Variants in KITLG observed in about 807,000 individuals in gnomAD.
KITLG encodes c-Kit ligand.
A neutral mutation model predicts 34.1 loss-of-function variants in KITLG; 13 were observed. The ratio of observed to expected loss-of-function variants is 0.38; its 90% confidence interval spans 0.25 to 0.61. KITLG has a LOEUF of 0.61. Among genes scored for constraint, KITLG ranks in the 20% least tolerant of loss-of-function variants. The pLI is 0.60. For synonymous variants in KITLG, 110 were observed against 104.0 expected, an observed-to-expected ratio of 1.06 and a Z score of -0.35; for missense variants, 292 against 318.9, an observed-to-expected ratio of 0.92 and a Z score of 0.64.
At chr12:88,519,805 A>G (rs1020733309) in intron 3 of KITLG, among the ~76,000 whole-genome samples, 1 of 152,000 alleles carries the variant, frequency 6.6e-6, no homozygotes, top group African/African-American at 2.4e-5. Flanking sequence ...TAATTTTTTT[A>G]TATAAATGGG....
chr12:88,552,470 A>G (rs1010906129), intron 1 of KITLG, among the ~76,000 whole-genome samples: 3 of 151,906 alleles, frequency 2.0e-5, no homozygotes, highest in Non-Finnish European at 1.5e-5. Flanking sequence ...GATTACAGGT[A>G]TGAGCCACTG....
chr12:88,552,330 A>G (rs1489516489), intron 1 of KITLG, among the ~76,000 whole-genome samples: 1 of 151,148 alleles, frequency 6.6e-6, no homozygotes, highest in Non-Finnish European at 1.5e-5. Context: ...GCCTGCCACC[A>G]TGGCTGGCCT....
chr12:88,527,594 G>A (rs1360009002), intron 3 of KITLG, among the ~76,000 whole-genome samples: 1 of 152,208 alleles, frequency 6.6e-6, no homozygotes, highest in African/African-American at 2.4e-5. Flanking sequence ...ATCAATAGAT[G>A]CTAAATCTGT....
intron 9 of KITLG, among the ~76,000 whole-genome samples, chr12:88,501,096 C>T (rs183024756): frequency 6.6e-6 from 1 of 152,238 alleles, no homozygotes; most frequent in Admixed American, 6.5e-5. Flanking sequence ...TTCCTAGGTG[C>T]AACTTTTTTT....
chr12:88,508,078 T>C (rs1454411226), intron 6 of KITLG, among the ~76,000 whole-genome samples: 2 of 151,726 alleles, frequency 1.3e-5, no homozygotes, highest in East Asian at 1.9e-4. Flanking sequence ...TCCCGGCTAC[T>C]ACGGAGGCTG....
intron 9 of KITLG, among the ~76,000 whole-genome samples, chr12:88,503,300 G>C (rs1868936496): frequency 6.6e-6 from 1 of 152,192 alleles, no homozygotes; most frequent in Non-Finnish European, 1.5e-5. Context: ...TTATGACTCA[G>C]TTCCACTGAA....
At chr12:88,578,861 C>T (rs1363407937) in intron 1 of KITLG, among the ~76,000 whole-genome samples, 1 of 152,206 alleles carries the variant, frequency 6.6e-6, no homozygotes, top group Non-Finnish European at 1.5e-5. Flanking sequence ...TTGTCTAAAT[C>T]AAGAGATTAC....
At chr12:88,554,613 G>T in intron 1 of KITLG, among the ~76,000 whole-genome samples, 1 of 152,166 alleles carries the variant, frequency 6.6e-6, no homozygotes, top group Non-Finnish European at 1.5e-5. Flanking sequence ...TATGGTAATT[G>T]GTCCTGAGTT....
chr12:88,579,414 G>C (rs1871937370), intron 1 of KITLG, among the ~76,000 whole-genome samples: 1 of 152,012 alleles, frequency 6.6e-6, no homozygotes, highest in Admixed American at 6.6e-5. Flanking sequence ...TGTGGATAGG[G>C]GCACCGTGGC....
rs115986586 is a variant in KITLG, at chr12:88,513,628, A to G, written c.604+1906T>C. Among the ~76,000 whole-genome samples the G allele has an allele frequency of 6.9e-3, 1,054 of 151,868 alleles. 11 individuals carry two copies. The highest frequency in any genetic ancestry group is 0.024 in the African/African-American group (1,009 of 41,544). On this transcript the variant is annotated intron_variant, in intron 6 of 9. Transcript: ENST00000644744. ...TAAGAAAGATTTGCTCTAATATCAG[A>G]CAAAATAAACTTCAAGACAAAAAGC...
intron 6 of KITLG, among the ~76,000 whole-genome samples, chr12:88,510,737 C>A (rs1869245953): frequency 6.6e-6 from 1 of 152,112 alleles, no homozygotes; most frequent in African/African-American, 2.4e-5. Context: ...CTTTTCCTTA[C>A]ACACTCACAT....
intron 1 of KITLG, among the ~76,000 whole-genome samples, chr12:88,559,843 T>C (rs1871238728): frequency 6.6e-6 from 1 of 152,186 alleles, no homozygotes; most frequent in African/African-American, 2.4e-5. Flanking sequence ...CTGGTAACAA[T>C]AAACTTCAAT....
chr12:88,517,106 T>G (rs1869487817), intron 4 of KITLG, among the ~76,000 whole-genome samples: 1 of 152,080 alleles, frequency 6.6e-6, no homozygotes, highest in Non-Finnish European at 1.5e-5. Flanking sequence ...TCTGTATCAC[T>G]TATGTCAATC....
intron 1 of KITLG, among the ~76,000 whole-genome samples, chr12:88,557,175 G>A (rs997011648): frequency 2.0e-5 from 3 of 152,066 alleles, no homozygotes; most frequent in Admixed American, 6.5e-5. Context: ...TTTTTTAAAT[G>A]GCCTAGGAAT....
At chr12:88,573,151 A>G (rs1185086168) in intron 1 of KITLG, among the ~76,000 whole-genome samples, 1 of 152,160 alleles carries the variant, frequency 6.6e-6, no homozygotes, top group Non-Finnish European at 1.5e-5. Context: ...ATTTTATATG[A>G]AAACATCTCT....
chr12:88,552,282 C>A (rs991336926), intron 1 of KITLG, among the ~76,000 whole-genome samples: 1 of 150,780 alleles, frequency 6.6e-6, no homozygotes, highest in African/African-American at 2.4e-5. Flanking sequence ...TCAAGTGATT[C>A]TCCTGCCTCA....
chr12:88,499,179 G>C (rs1868758512), intron 9 of KITLG, among the ~76,000 whole-genome samples: 1 of 151,986 alleles, frequency 6.6e-6, no homozygotes, highest in Admixed American at 6.6e-5. Flanking sequence ...AAAGAGTCAA[G>C]GCTTGAATCC....
At position 88,535,143 on chromosome 12, in the gene KITLG, T is replaced by A. The variant is rs1407652555; in HGVS notation, c.130-2640A>T. On this transcript the variant is annotated intron_variant, in intron 2 of 9. Transcript: ENST00000644744. ...GTATATGTCTAAAAAGCAAAGAAAA[T>A]GTAAAGAGTATGGTGACCAATTCCA... Among the ~76,000 whole-genome samples the A allele has an allele frequency of 6.6e-5, 10 of 152,094 alleles. No homozygotes were observed. In the South Asian group the frequency reaches 2.1e-3, roughly 32 times the overall value.
chr12:88,573,976 A>G (rs1321476037), intron 1 of KITLG, among the ~76,000 whole-genome samples: 1 of 152,174 alleles, frequency 6.6e-6, no homozygotes, highest in Non-Finnish European at 1.5e-5. Flanking sequence ...TCTAATCAGC[A>G]GCATTCAAGA....
Sources: allele counts gnomAD v4.1 joint callset (sites outside exome capture counted in the v4.1 genomes callset), GRCh38; gene constraint gnomAD v4.1.1; transcripts MANE v1.5; gene names NCBI Gene and HGNC (gene_info 2026-07-23, HGNC 2026-07-21).